Variants in DLGAP2 observed in about 807,000 individuals in gnomAD.
DLGAP2 encodes the protein disks large-associated protein 2.
In DLGAP2, 26 loss-of-function variants were observed where a neutral mutation model predicts 100.3. That is an observed-to-expected ratio of 0.26 (90% CI 0.19 to 0.36). The LOEUF is 0.36. Among genes scored for constraint, DLGAP2 ranks in the 10% least tolerant of loss-of-function variants. DLGAP2 has a pLI of 1.00. For missense variants in DLGAP2, 1,858 were observed against 1,453.2 expected (o/e 1.28, Z -4.53); for synonymous variants, 886 against 630.1 (o/e 1.41, Z -6.08).
intron 3 of DLGAP2, among the ~76,000 whole-genome samples, chr8:1,356,424 C>T (rs1248368928): frequency 2.6e-5 from 4 of 152,196 alleles, no homozygotes; most frequent in Admixed American, 6.5e-5. Flanking sequence ...AAACCACAAG[C>T]GCTTTCAGGG....
In DLGAP2 at chr8:1,056,630, G is replaced by A. The variant is rs754215033; in HGVS notation, c.73+148664G>A. Among the ~76,000 whole-genome samples the A allele has an allele frequency of 1.1e-3, 166 of 152,230 alleles. 1 individual carries two copies. Among genetic ancestry groups the A allele is most frequent in the Non-Finnish European group, 1.2e-3 (83 of 68,046 alleles). On this transcript the variant is annotated intron_variant, in intron 2 of 14. Transcript: ENST00000637795. ...AAGGTGCCAGGACACCGGCACACCC[G>A]TGCCAAAATGTGGATTTATACAGGG... is the stretch of plus-strand genomic sequence containing the variant.
At chr8:990,203 C>T (rs1800617949) in intron 2 of DLGAP2, among the ~76,000 whole-genome samples, 1 of 151,996 alleles carries the variant, frequency 6.6e-6, no homozygotes. Context: ...TGAGAGTATT[C>T]CCAACTTTTC....
intron 2 of DLGAP2, among the ~76,000 whole-genome samples, chr8:1,105,794 A>G (rs1420341963): frequency 0.029 from 1,411 of 48,100 alleles, no homozygotes; most frequent in Middle Eastern, 0.053. Flanking sequence ...TTCTACTGAG[A>G]GGAGCCATTC....
intron 1 of DLGAP2, among the ~76,000 whole-genome samples, chr8:818,948 T>G (rs1438932986): frequency 5.3e-5 from 8 of 152,192 alleles, no homozygotes; most frequent in Non-Finnish European, 1.2e-4. Context: ...ACTAAAAATT[T>G]TCATAGATGT....
chr8:1,617,562 TG>T (rs1797196745), intron 6 of DLGAP2, among the ~76,000 whole-genome samples: 1 of 152,374 alleles, frequency 6.6e-6, no homozygotes, highest in East Asian at 1.9e-4. Context: ...TTGCCCACAT[TG>T]TTTTTTGCTT....
chr8:1,118,666 T>G (rs768357728), intron 2 of DLGAP2, among the ~76,000 whole-genome samples: 18 of 152,176 alleles, frequency 1.2e-4, no homozygotes, highest in Non-Finnish European at 1.9e-4. Context: ...TTGTCAGTGC[T>G]TAGAGCAACC....
chr8:1,449,833 GTGACTGT>G (rs1563156267), intron 3 of DLGAP2, among the ~76,000 whole-genome samples: 1 of 146,682 alleles, frequency 6.8e-6, no homozygotes, highest in African/African-American at 2.5e-5. Context: ...CTCGGTGGCT[GTGACTGT>G]AGCGGAGCTG....
At chr8:806,943 C>G (rs943940652) in intron 1 of DLGAP2, among the ~76,000 whole-genome samples, 9 of 152,290 alleles carry the variant, frequency 5.9e-5, no homozygotes, top group Middle Eastern at 6.8e-3. Context: ...TGGCTGGGGT[C>G]GTGGACAGTG....
intron 3 of DLGAP2, among the ~76,000 whole-genome samples, chr8:1,280,460 G>A (rs183171560): frequency 2.4e-4 from 37 of 152,252 alleles, no homozygotes; most frequent in Non-Finnish European, 3.7e-4. Flanking sequence ...TGCCACTAGC[G>A]TTTTTAAACA....
chr8:1,167,844 G>A (rs200591626), intron 2 of DLGAP2, among the ~76,000 whole-genome samples: 1 of 151,892 alleles, frequency 6.6e-6, no homozygotes. Context: ...TCAGTAGAGG[G>A]ATGTAGACAG....
rs575135720 is a variant in DLGAP2 at position 1,264,417 on chromosome 8, A to T, written c.106+5534A>T. ...AAAGAACTGGAAAAACATGCCTGAG[A>T]AAGTGTGGAGGAAGCTCATCGCACA... On this transcript the variant is annotated intron_variant, in intron 3 of 14. Coordinates refer to ENST00000637795, the MANE Select transcript of DLGAP2 (RefSeq NM_001346810.2). Among the ~76,000 whole-genome samples the T allele has an allele frequency of 5.3e-5, 8 of 152,316 alleles. No individual in the cohort carries two copies. The East Asian group carries it at 1.4e-3, about 26-fold the overall frequency.
At chr8:1,471,484 G>A (rs1462788543) in intron 3 of DLGAP2, among the ~76,000 whole-genome samples, 1 of 151,400 alleles carries the variant, frequency 6.6e-6, no homozygotes, top group Non-Finnish European at 1.5e-5. Context: ...CTCTGTCAGA[G>A]GCCTGTGCAC....
chr8:1,488,812 G>C (rs1427624885), intron 3 of DLGAP2, among the ~76,000 whole-genome samples: 1 of 152,168 alleles, frequency 6.6e-6, no homozygotes, highest in African/African-American at 2.4e-5. Context: ...CAGTGACTAT[G>C]ATGTCCAGAG....
chr8:1,505,633 A>T (rs1190322116), intron 4 of DLGAP2, among the ~76,000 whole-genome samples: 1 of 152,234 alleles, frequency 6.6e-6, no homozygotes, highest in Non-Finnish European at 1.5e-5. Context: ...CCATAAAATT[A>T]AAGTCACTGA....
intron 2 of DLGAP2, among the ~76,000 whole-genome samples, chr8:1,102,408 G>A (rs1804615770): frequency 6.7e-6 from 1 of 149,806 alleles, no homozygotes; most frequent in South Asian, 2.1e-4. Context: ...TACAGACACA[G>A]CTGTCTCGAG....
At position 1,244,996 on chromosome 8, in the gene DLGAP2, C is replaced by G. The variant is rs948792357; in HGVS notation, c.74-13855C>G. ...CACCCACAGAAGGTGTGGAAAGACACTGGACATCTTTGACCAGCCAGGAAA... is the reference window on the plus strand; with the variant it reads ...CACCCACAGAAGGTGTGGAAAGACAGTGGACATCTTTGACCAGCCAGGAAA... On this transcript the variant is annotated intron_variant, in intron 2 of 14. Coordinates refer to ENST00000637795, the MANE Select transcript of DLGAP2 (RefSeq NM_001346810.2). Among the ~76,000 whole-genome samples the G allele has an allele frequency of 2.0e-5, 3 of 152,220 alleles. No homozygotes were observed. The South Asian group carries it at 6.2e-4, about 32-fold the overall frequency.
At chr8:741,621 G>C (rs1191527331) in intron 1 of DLGAP2, among the ~76,000 whole-genome samples, 1 of 152,174 alleles carries the variant, frequency 6.6e-6, no homozygotes, top group Non-Finnish European at 1.5e-5. Flanking sequence ...TTTATTGGCG[G>C]GCCTTCAGGA....
intron 6 of DLGAP2, among the ~76,000 whole-genome samples, chr8:1,599,647 T>C (rs1413016753): frequency 6.6e-6 from 1 of 152,252 alleles, no homozygotes; most frequent in African/African-American, 2.4e-5. Context: ...TTTGTCTTTT[T>C]AGATCGTTGT....
intron 3 of DLGAP2, among the ~76,000 whole-genome samples, chr8:1,417,129 T>C (rs1402148037): frequency 6.6e-6 from 1 of 151,524 alleles, no homozygotes; most frequent in Non-Finnish European, 1.5e-5. Flanking sequence ...TTCATTCATT[T>C]AGCGTCTGAG....
Sources: allele counts gnomAD v4.1 joint callset (sites outside exome capture counted in the v4.1 genomes callset), GRCh38; gene constraint gnomAD v4.1.1; transcripts MANE v1.5; gene names NCBI Gene and HGNC (gene_info 2026-07-23, HGNC 2026-07-21).